Variants in NFXL1 observed in about 807,000 individuals in gnomAD.
NFXL1 encodes the protein nuclear transcription factor, X-box binding like 1.
In NFXL1, 66 loss-of-function variants were observed where a neutral mutation model predicts 123.3. The ratio of observed to expected loss-of-function variants is 0.54; its 90% CI spans 0.44 to 0.66. The LOEUF is 0.66. Ranked by LOEUF, NFXL1 falls within the 30% of genes least tolerant of loss-of-function variation. The pLI is 0.00. For missense variants in NFXL1, 944 were observed against 1,125.6 expected, an observed-to-expected ratio of 0.84 and a Z score of 2.31; for synonymous variants, 346 against 360.8, an observed-to-expected ratio of 0.96 and a Z score of 0.46.
In NFXL1 at chr4:47,903,237, A is replaced by C. The variant is rs1737424077; in HGVS notation, c.603T>G (p.Ser201=). ...TCTTTCCAAAATCATCATCAGTCAC[A>C]GAAGATACAAGAAACTGGCTGTCTT... The part of the protein sequence containing the change: ...WAKDSQFLVS[S]VTDDDFGKKD... The change falls in exon 5 of 23, where the codon TCT becomes TCG. Residue 201 remains serine, a synonymous_variant. Transcript: ENST00000507489. 1.3e-6 allele frequency: 2 copies of C among 1,599,938 alleles called. No homozygotes were observed. The highest frequency in any genetic ancestry group is 1.4e-5 in the African/African-American group (1 of 73,822).
intron 2 of NFXL1, among the ~76,000 whole-genome samples, chr4:47,913,160 A>G (rs1419191709): frequency 1.3e-5 from 2 of 152,180 alleles, no homozygotes; most frequent in Non-Finnish European, 2.9e-5. Flanking sequence ...AAGATACTCA[A>G]TTCTGCTCCA....
intron 20 of NFXL1, among the ~76,000 whole-genome samples, chr4:47,853,424 ACT>A (rs1337292653): frequency 6.6e-5 from 10 of 151,880 alleles, no homozygotes; most frequent in Non-Finnish European, 1.5e-4. Context: ...ATCTCTATAA[ACT>A]CTATTTTACA....
chr4:47,863,823 A>G (rs1390124661), intron 18 of NFXL1, among the ~76,000 whole-genome samples: 1 of 152,212 alleles, frequency 6.6e-6, no homozygotes, highest in Non-Finnish European at 1.5e-5. Context: ...TCCAACAGAC[A>G]CTGCCTAAGT....
At chr4:47,854,514 G>T (rs903013358) in intron 20 of NFXL1, among the ~76,000 whole-genome samples, 4 of 152,112 alleles carry the variant, frequency 2.6e-5, no homozygotes, top group African/African-American at 9.6e-5. Flanking sequence ...ATTAGTTTTT[G>T]CCCATTTACT....
At chr4:47,882,111 G>C (rs947770060) in intron 15 of NFXL1, 1 of 152,084 alleles carries the variant, frequency 6.6e-6, no homozygotes, top group Non-Finnish European at 1.5e-5. Context: ...GTTGGTAATA[G>C]AGAAAACTGT....
chr4:47,875,347 C>A, intron 17 of NFXL1, 54 bp from the exon 18 acceptor site: 2 of 1,310,948 alleles, frequency 1.5e-6, no homozygotes, highest in African/African-American at 1.5e-5. Context: ...CCTAACATTT[C>A]CATATGTTAC....
chr4:47,863,985 A>C (rs1164405354), intron 18 of NFXL1, among the ~76,000 whole-genome samples: 8 of 152,162 alleles, frequency 5.3e-5, no homozygotes, highest in Non-Finnish European at 8.8e-5. Context: ...CCGTAAGTTC[A>C]GTCTCCTTAA....
chr4:47,901,942 G>A (rs531955006), intron 5 of NFXL1, among the ~76,000 whole-genome samples: 10 of 152,356 alleles, frequency 6.6e-5, no homozygotes, highest in African/African-American at 2.4e-4. Context: ...AGCACTTTGA[G>A]GGGCCAAGGT....
chr4:47,887,340 T>C (rs185438145), intron 12 of NFXL1, among the ~76,000 whole-genome samples: 101 of 152,284 alleles, frequency 6.6e-4, no homozygotes, highest in African/African-American at 2.4e-3. Flanking sequence ...AGATTAAAGA[T>C]GGACAATATC....
At chr4:47,860,775 T>C (rs28573115) in intron 19 of NFXL1, among the ~76,000 whole-genome samples, 53,106 of 151,988 alleles carry the variant, frequency 0.35, 9,707 homozygotes, top group East Asian at 0.59. Flanking sequence ...CACTATTGCT[T>C]ACTATTTAAT....
intron 15 of NFXL1, chr4:47,882,201 A>C (rs1736153708): frequency 6.6e-6 from 1 of 152,192 alleles, no homozygotes; most frequent in African/African-American, 2.4e-5. Flanking sequence ...TTAAAAAATA[A>C]AACCTATTTA....
At chr4:47,851,169 G>C (rs1253048046) in intron 21 of NFXL1, 21 bp from the exon 22 acceptor site, 1 of 1,576,706 alleles carries the variant, frequency 6.3e-7, no homozygotes, top group Middle Eastern at 1.7e-4. Context: ...ACATACAAAA[G>C]TCAATTTACA....
chr4:47,908,979 A>C (rs1055498895), intron 3 of NFXL1, among the ~76,000 whole-genome samples: 2 of 151,704 alleles, frequency 1.3e-5, no homozygotes, highest in African/African-American at 4.8e-5. Context: ...AAAAGAAACA[A>C]ATTTTTTAAA....
chr4:47,904,144 T>A lies in NFXL1; in HGVS notation c.517-821A>T, dbSNP rs372335266. Among the ~76,000 whole-genome samples, 11 of 152,230 alleles carry A rather than the reference T, an allele frequency of 7.2e-5. No individual in the cohort carries two copies. In the East Asian group the frequency reaches 1.9e-3, roughly 27 times the overall value. ...TAGACAGGGAAAAAGAAATAACCAATGAATGGCATATGGTTGAGCTGATTA... is the reference window on the plus strand; with the variant it reads ...TAGACAGGGAAAAAGAAATAACCAAAGAATGGCATATGGTTGAGCTGATTA... On this transcript the variant is annotated intron_variant, in intron 4 of 22. Coordinates refer to ENST00000507489, the MANE Select transcript of NFXL1 (RefSeq NM_001278624.2).
intron 18 of NFXL1, among the ~76,000 whole-genome samples, chr4:47,864,628 T>G (rs1398110277): frequency 2.6e-5 from 4 of 152,142 alleles, no homozygotes; most frequent in Non-Finnish European, 5.9e-5. Flanking sequence ...GTGTCCATAC[T>G]TCAATCATGC....
At chr4:47,899,569 A>G in intron 5 of NFXL1, 21 bp from the exon 6 acceptor site, 1 of 1,526,778 alleles carries the variant, frequency 6.5e-7, no homozygotes, top group Non-Finnish European at 9.1e-7. Flanking sequence ...GAAGAAAATT[A>G]TTAAAGCTAA....
At chr4:47,897,841 C>A in intron 9 of NFXL1, 126 bp downstream of exon 9, 1 of 587,960 alleles carries the variant, frequency 1.7e-6, no homozygotes, top group Non-Finnish European at 2.9e-6. Context: ...AATTTTGTAG[C>A]TTTTTCAGAC....
rs774978422 is a variant in NFXL1, at chr4:47,884,343, T to C, written c.1916+3A>G. 1.3e-6 allele frequency: 2 copies of C among 1,525,830 alleles called. No individual in the cohort carries two copies. Among genetic ancestry groups the C allele is most frequent in the East Asian group, 4.5e-5 (2 of 44,406 alleles). The allele number at this position is 1,525,830 out of a possible 1,614,324, so 94.5% of individuals were successfully genotyped here. Reference sequence around the variant, plus strand: ...TTTTTTTAATTGAAATTCTAATACTTACATAGGAATAGGAACTTGACATGG... The same window carrying C: ...TTTTTTTAATTGAAATTCTAATACTCACATAGGAATAGGAACTTGACATGG... On this transcript the variant is annotated splice_donor_region_variant and intron_variant, in intron 15 of 22. Transcript: ENST00000507489.
At chr4:47,877,108 T>A (rs1241237630) in intron 17 of NFXL1, 2 of 784,240 alleles carry the variant, frequency 2.6e-6, no homozygotes, top group African/African-American at 3.6e-5. Flanking sequence ...GGCTGGGAGT[T>A]AAAAGATCAG....
Sources: gnomAD v4.1 joint callset for allele counts (sites outside exome capture counted in the v4.1 genomes callset) on GRCh38, gnomAD v4.1.1 for gene constraint, MANE v1.5 for transcripts, NCBI Gene and HGNC (gene_info 2026-07-23, HGNC 2026-07-21) for gene names.